TSNAXIP1: variants seen among roughly 807,000 people sequenced by gnomAD.
TSNAXIP1 encodes the protein translin associated factor X interacting protein 1, also known as translin-associated factor X-interacting protein 1.
TSNAXIP1 carries 89 observed loss-of-function variants against 84.8 expected under a neutral mutation model. That is an observed-to-expected ratio of 1.05 (90% CI 0.88 to 1.25). The LOEUF (loss-of-function observed/expected upper bound fraction) is 1.25, where lower values mean the gene tolerates loss of function less well. Ranked by LOEUF, TSNAXIP1 falls within the 50% of genes most tolerant of loss-of-function variation. The pLI is 0.00. For missense variants in TSNAXIP1, 874 were observed against 887.6 expected, an observed-to-expected ratio of 0.98 and a Z score of 0.20; for synonymous variants, 347 against 335.2, an observed-to-expected ratio of 1.04 and a Z score of -0.39.
chr16:67,816,753 G>C (rs1029774001), intron 2 of TSNAXIP1, among the ~76,000 whole-genome samples: 2 of 152,018 alleles, frequency 1.3e-5, no homozygotes, highest in Non-Finnish European at 2.9e-5. Flanking sequence ...TTACCTACAG[G>C]GGGAAGCAGA....
chr16:67,823,644 G>T lies in TSNAXIP1; in HGVS notation c.406G>T (p.Glu136Ter). The T allele has an allele frequency of 6.2e-7, 1 of 1,613,834 alleles. No individual in the cohort carries two copies. The change falls in exon 5 of 16, where the codon GAG becomes TAG. Residue 136 changes from glutamate to a stop codon, truncating the protein, a stop_gained. Transcript: ENST00000561639. LOFTEE classifies it high-confidence loss of function. ...TTGCCAGCCTTACAGAGAGATCTTT[G>T]AGTTCTTCATAGAGGACTTCAAAAC... ...LRLQPYREIF[E>*]FFIEDFKTYK... is the part of the protein sequence containing the mutation.
chr16:67,811,851 G>A (rs751539711), intron 1 of TSNAXIP1, among the ~76,000 whole-genome samples: 12 of 152,010 alleles, frequency 7.9e-5, no homozygotes, highest in Non-Finnish European at 1.8e-4. Context: ...AGCTCATCTG[G>A]GCAGACACTC....
At chr16:67,813,262 C>G (rs1366983310) in intron 1 of TSNAXIP1, among the ~76,000 whole-genome samples, 1 of 151,692 alleles carries the variant, frequency 6.6e-6, no homozygotes, top group Non-Finnish European at 1.5e-5. Context: ...TGGCAGGGGC[C>G]TGTAGTCCCA....
At chr16:67,809,643 T>TAA (rs1370307872) in intron 1 of TSNAXIP1, among the ~76,000 whole-genome samples, 2,483 of 148,802 alleles carry the variant, frequency 0.017, 80 homozygotes, top group African/African-American at 0.059. Flanking sequence ...AATAAATAAA[T>TAA]AAATAAATAA....
intron 8 of TSNAXIP1, 23 bp from the exon 9 acceptor site, chr16:67,825,894 A>C: frequency 6.2e-7 from 1 of 1,614,056 alleles, no homozygotes; most frequent in South Asian, 1.1e-5. Flanking sequence ...GTGGGGGGCC[A>C]GGGCCAATGT....
intron 2 of TSNAXIP1, among the ~76,000 whole-genome samples, chr16:67,817,112 C>T (rs2056628204): frequency 1.3e-5 from 2 of 151,706 alleles, no homozygotes; most frequent in African/African-American, 2.4e-5. Context: ...ACTACAGGCA[C>T]GTGTCACCAC....
chr16:67,807,095 A>G lies in TSNAXIP1; in HGVS notation c.-55A>G. On this transcript the variant is annotated 5_prime_UTR_variant, in exon 1 of 16. Coordinates refer to ENST00000561639, the MANE Select transcript of TSNAXIP1 (RefSeq NM_001288990.3). ...CCTGGTCGCCATGGCGACCGGCTGTACGCTACCACAGCTTCCCAGGCCGCG... is the reference window on the plus strand; with the variant it reads ...CCTGGTCGCCATGGCGACCGGCTGTGCGCTACCACAGCTTCCCAGGCCGCG... 6.5e-7 allele frequency: 1 copy of G among 1,527,484 alleles called. No individual in the cohort carries two copies. The allele number at this position is 1,527,484 out of a possible 1,614,324, so 94.6% of individuals were successfully genotyped here. A position where few individuals can be genotyped will look rare whatever the true frequency, so the allele number is the denominator to read the frequency against.
In TSNAXIP1 at chr16:67,806,963, G is replaced by C; in HGVS notation, c.-187G>C. On this transcript the variant is annotated 5_prime_UTR_variant, in exon 1 of 16. Transcript: ENST00000561639. ...TGACTCTCAGGGCACCCGCTGCCGG[G>C]TCCCAGTCCACCTTTGCTACTTTGT... is the stretch of plus-strand genomic sequence containing the variant. The C allele has an allele frequency of 1.1e-6, 1 of 910,898 alleles. No homozygotes were observed. The highest frequency in any genetic ancestry group is 1.8e-5 in the South Asian group (1 of 56,856). The allele number at this position is 910,898 out of a possible 1,614,324, so 56.4% of individuals were successfully genotyped here.
intron 1 of TSNAXIP1, among the ~76,000 whole-genome samples, chr16:67,809,450 T>TC (rs953973637): frequency 1.4e-5 from 2 of 144,876 alleles, no homozygotes; most frequent in African/African-American, 5.1e-5. Flanking sequence ...AGAGTGAGAC[T>TC]CCATCTCAAA....
chr16:67,826,024 G>A lies in TSNAXIP1; in HGVS notation c.1092G>A (p.Leu364=), dbSNP rs747855454. 1 of 1,613,918 alleles carries A rather than the reference G, an allele frequency of 6.2e-7. No homozygotes were observed. The highest frequency in any genetic ancestry group is 1.1e-5 in the South Asian group (1 of 91,090). The part of the protein sequence containing the change: ...LKERDQFFSE[L]QEIQRTSTPR... ...AACGGGACCAATTCTTCTCTGAGCT[G>A]CAGGAGATCCAGCGCACTTCCACGC... is the stretch of plus-strand genomic sequence containing the variant. Residue 364 remains leucine (L), a synonymous_variant, in exon 9 of 16, where the codon CTG becomes CTA. Coordinates refer to ENST00000561639, the MANE Select transcript of TSNAXIP1 (RefSeq NM_001288990.3).
chr16:67,820,020 G>GT (rs2056911550), intron 2 of TSNAXIP1, among the ~76,000 whole-genome samples: 1 of 151,730 alleles, frequency 6.6e-6, no homozygotes, highest in African/African-American at 2.4e-5. Flanking sequence ...GGGTTTCACT[G>GT]TGTTAACCAG....
At chr16:67,820,528 C>T (rs1274678424) in intron 2 of TSNAXIP1, among the ~76,000 whole-genome samples, 1 of 151,832 alleles carries the variant, frequency 6.6e-6, no homozygotes, top group African/African-American at 2.4e-5. Context: ...GGGTGGATCA[C>T]GAGGTTAAGA....
intron 1 of TSNAXIP1, among the ~76,000 whole-genome samples, chr16:67,813,647 G>T (rs1012197624): frequency 3.4e-5 from 5 of 145,686 alleles, no homozygotes; most frequent in Non-Finnish European, 3.0e-5. Context: ...GCAGAGAATT[G>T]CTTGAACCCG....
intron 1 of TSNAXIP1, chr16:67,807,404 T>G (rs964527086): frequency 2.6e-6 from 4 of 1,519,906 alleles, no homozygotes; most frequent in Admixed American, 4.0e-5. Context: ...ACTTTATCAT[T>G]ACTAGTAACA....
intron 3 of TSNAXIP1, 22 bp downstream of exon 3, chr16:67,820,973 G>A: frequency 1.9e-6 from 3 of 1,589,910 alleles, no homozygotes; most frequent in Non-Finnish European, 1.7e-6. Context: ...TCAGTCCCAT[G>A]GTGGGTGAGC....
At chr16:67,809,685 T>G (rs2055864208) in intron 1 of TSNAXIP1, among the ~76,000 whole-genome samples, 1 of 151,914 alleles carries the variant, frequency 6.6e-6, no homozygotes, top group Non-Finnish European at 1.5e-5. Context: ...GAGTGGCTCA[T>G]GCTTGTAATC....
chr16:67,822,753 A>C (rs2057163874), intron 4 of TSNAXIP1, among the ~76,000 whole-genome samples: 1 of 152,224 alleles, frequency 6.6e-6, no homozygotes, highest in Admixed American at 6.5e-5. Context: ...CTGGGGCCTT[A>C]CATCGATCTC....
intron 4 of TSNAXIP1, among the ~76,000 whole-genome samples, chr16:67,821,690 C>T (rs2057070112): frequency 1.3e-5 from 2 of 150,606 alleles, no homozygotes; most frequent in South Asian, 4.2e-4. Context: ...ATGAAACATC[C>T]CATGAAAATG....
chr16:67,813,570 T>C (rs2151202191), intron 1 of TSNAXIP1, among the ~76,000 whole-genome samples: 1 of 151,496 alleles, frequency 6.6e-6, no homozygotes, highest in Admixed American at 6.6e-5. Context: ...CCGTCTCTAC[T>C]GAAAATACAA....
Sources: allele counts gnomAD v4.1 joint callset (sites outside exome capture counted in the v4.1 genomes callset), GRCh38; gene constraint gnomAD v4.1.1; transcripts MANE v1.5; gene names NCBI Gene and HGNC (gene_info 2026-07-23, HGNC 2026-07-21).